SLCO2A1: variants seen among roughly 807,000 people sequenced by gnomAD.
The protein encoded by SLCO2A1 is matrin F/G 1.
A neutral mutation model predicts 71.7 loss-of-function variants in SLCO2A1; 60 were observed. The ratio of observed to expected loss-of-function variants is 0.84; its 90% CI spans 0.68 to 1.04. The LOEUF (loss-of-function observed/expected upper bound fraction) is 1.04, where lower values mean the gene tolerates loss of function less well. SLCO2A1 is among the 50% of genes least tolerant of loss of function. The probability of loss-of-function intolerance (pLI) is 0.00; values close to 1 mark genes in which losing one functional copy is unlikely to be tolerated. For missense variants in SLCO2A1, 745 were observed against 813.4 expected, an observed-to-expected ratio of 0.92 and a Z score of 1.02; for synonymous variants, 308 against 326.7, an observed-to-expected ratio of 0.94 and a Z score of 0.62.
chr3:133,935,741 G>A (rs755540335), intron 13 of SLCO2A1, 33 bp downstream of exon 13: 99 of 1,541,900 alleles, frequency 6.4e-5, no homozygotes, highest in Non-Finnish European at 8.6e-5. Context: ...CCAGGGCCTG[G>A]CTCTGGGACA....
chr3:133,974,132 C>A (rs1934397303), intron 2 of SLCO2A1, among the ~76,000 whole-genome samples: 2 of 152,128 alleles, frequency 1.3e-5, no homozygotes, highest in African/African-American at 2.4e-5. Context: ...ATCTTAGAAC[C>A]AAACCTTTTT....
At chr3:134,028,839 G>A (rs143565952) in intron 1 of SLCO2A1, among the ~76,000 whole-genome samples, 1 of 152,208 alleles carries the variant, frequency 6.6e-6, no homozygotes, top group African/African-American at 2.4e-5. Flanking sequence ...TAGGCAGAAC[G>A]GGCAAAAGAG....
chr3:133,948,779 C>T (rs1360528816), intron 7 of SLCO2A1, 79 bp from the exon 8 acceptor site: 2 of 1,592,128 alleles, frequency 1.3e-6, no homozygotes, highest in Non-Finnish European at 1.7e-6. Flanking sequence ...AGTTACAGGC[C>T]CTCTGCTCCT....
intron 1 of SLCO2A1, among the ~76,000 whole-genome samples, chr3:134,017,720 G>A (rs1935486015): frequency 6.6e-6 from 1 of 152,208 alleles, no homozygotes; most frequent in Non-Finnish European, 1.5e-5. Context: ...GCTGGGGCTG[G>A]TTAAAGACAT....
chr3:134,008,109 C>T (rs75919051), intron 1 of SLCO2A1, among the ~76,000 whole-genome samples: 4,469 of 152,274 alleles, frequency 0.029, 230 homozygotes, highest in African/African-American at 0.1. Flanking sequence ...TCGTGCTCCC[C>T]ATACGGAGGT....
chr3:133,994,410 C>G (rs1027171600), intron 1 of SLCO2A1, among the ~76,000 whole-genome samples: 7 of 152,222 alleles, frequency 4.6e-5, no homozygotes, highest in African/African-American at 1.7e-4. Context: ...TGCCAGTTAC[C>G]TCAGTGCCAT....
At position 133,935,284 on chromosome 3, in the gene SLCO2A1, A is replaced by G. The variant is rs370794237; in HGVS notation, c.1815-454T>C. Among the ~76,000 whole-genome samples the G allele has an allele frequency of 3.7e-4, 57 of 152,294 alleles. No individual in the cohort carries two copies. The East Asian group carries it at 6.6e-3, about 18-fold the overall frequency. On this transcript the variant is annotated intron_variant, in intron 13 of 13. Coordinates refer to ENST00000310926, the MANE Select transcript of SLCO2A1 (RefSeq NM_005630.3). ...TTCTGGGCCATATGACAACGGCAGCAGGTGAGGTGGCTGGAAGGGGTGCAG... is the reference window on the plus strand; with the variant it reads ...TTCTGGGCCATATGACAACGGCAGCGGGTGAGGTGGCTGGAAGGGGTGCAG...
At chr3:133,955,479 C>G in intron 3 of SLCO2A1, 1 of 439,450 alleles carries the variant, frequency 2.3e-6, no homozygotes, top group Non-Finnish European at 4.1e-6. Context: ...GTGTCCATGC[C>G]TTCTCCTCCA....
chr3:134,016,917 G>GA (rs1410810075), intron 1 of SLCO2A1, among the ~76,000 whole-genome samples: 2 of 152,188 alleles, frequency 1.3e-5, no homozygotes, highest in African/African-American at 2.4e-5. Flanking sequence ...AATGCTGAAT[G>GA]AAAAAAGCCA....
intron 1 of SLCO2A1, among the ~76,000 whole-genome samples, chr3:134,015,288 C>T (rs1258195350): frequency 6.6e-6 from 1 of 152,146 alleles, no homozygotes; most frequent in Non-Finnish European, 1.5e-5. Context: ...TCAGTTGCTG[C>T]AACATGGATA....
intron 1 of SLCO2A1, among the ~76,000 whole-genome samples, chr3:134,007,975 A>G (rs1164641202): frequency 6.6e-6 from 1 of 152,152 alleles, no homozygotes; most frequent in Non-Finnish European, 1.5e-5. Flanking sequence ...TTGTAGTAGG[A>G]GGGATTCCAT....
intron 3 of SLCO2A1, among the ~76,000 whole-genome samples, chr3:133,964,464 G>A (rs1934118779): frequency 6.6e-6 from 1 of 152,166 alleles, no homozygotes; most frequent in Non-Finnish European, 1.5e-5. Context: ...TTGGAGACAG[G>A]CAATGTTGCC....
intron 13 of SLCO2A1, among the ~76,000 whole-genome samples, chr3:133,935,432 A>G (rs1421486673): frequency 6.6e-6 from 1 of 151,766 alleles, no homozygotes; most frequent in Admixed American, 6.6e-5. Flanking sequence ...GCTGCCCCCA[A>G]TTTTTCCACA....
intron 2 of SLCO2A1, among the ~76,000 whole-genome samples, chr3:133,974,146 A>G (rs1934397687): frequency 6.6e-6 from 1 of 152,188 alleles, no homozygotes; most frequent in Non-Finnish European, 1.5e-5. Flanking sequence ...CCTTTTTGGG[A>G]AAAAGCCAAA....
At chr3:133,945,322 C>A in intron 9 of SLCO2A1, 62 bp from the exon 10 acceptor site, 2 of 1,493,308 alleles carry the variant, frequency 1.3e-6, no homozygotes, top group Non-Finnish European at 1.8e-6. Flanking sequence ...ACCCTACACT[C>A]CAGCCCAGTG....
intron 1 of SLCO2A1, among the ~76,000 whole-genome samples, chr3:133,989,712 C>T (rs943650636): frequency 5.9e-5 from 9 of 152,186 alleles, no homozygotes; most frequent in South Asian, 2.1e-4. Flanking sequence ...GGAATAACCC[C>T]CTCTGCTTTT....
intron 1 of SLCO2A1, among the ~76,000 whole-genome samples, chr3:133,990,894 G>A (rs1030266954): frequency 1.3e-5 from 2 of 152,148 alleles, no homozygotes; most frequent in African/African-American, 4.8e-5. Context: ...CAGATCACCT[G>A]AGGTCGGGAG....
At chr3:133,999,921 T>C (rs1576453827) in intron 1 of SLCO2A1, among the ~76,000 whole-genome samples, 2 of 152,282 alleles carry the variant, frequency 1.3e-5, no homozygotes, top group Non-Finnish European at 2.9e-5. Flanking sequence ...AGATAATGCA[T>C]GTCAAACACT....
chr3:133,954,740 T>C (rs888116508), intron 4 of SLCO2A1, among the ~76,000 whole-genome samples: 1 of 151,960 alleles, frequency 6.6e-6, no homozygotes, highest in Non-Finnish European at 1.5e-5. Flanking sequence ...CTCCTGGAGG[T>C]GAGAAACCTG....
Sources: gnomAD v4.1 joint callset for allele counts (sites outside exome capture counted in the v4.1 genomes callset) on GRCh38, gnomAD v4.1.1 for gene constraint, MANE v1.5 for transcripts, NCBI Gene and HGNC (gene_info 2026-07-23, HGNC 2026-07-21) for gene names.